Variants in PDE4D observed in about 807,000 individuals in gnomAD.
PDE4D encodes the protein phosphodiesterase 4D.
Under a neutral mutation model 87.4 loss-of-function variants are expected in PDE4D, and 24 were observed. The ratio of observed to expected loss-of-function variants is 0.27; its 90% CI spans 0.20 to 0.39. The LOEUF is 0.39. PDE4D is among the 10% of genes least tolerant of loss of function. The pLI is 1.00. For synonymous variants in PDE4D, 384 were observed against 383.2 expected, an observed-to-expected ratio of 1.00 and a Z score of -0.02; for missense variants, 714 against 1,041.0, an observed-to-expected ratio of 0.69 and a Z score of 4.32.
intron 1 of PDE4D, among the ~76,000 whole-genome samples, chr5:59,859,951 C>T (rs1043914315): frequency 6.6e-6 from 1 of 152,022 alleles, no homozygotes; most frequent in African/African-American, 2.4e-5. Context: ...TGGAAGAGGC[C>T]CACAGACTCT....
intron 2 of PDE4D, among the ~76,000 whole-genome samples, chr5:60,017,067 T>C (rs1765593266): frequency 6.6e-6 from 1 of 152,240 alleles, no homozygotes; most frequent in Non-Finnish European, 1.5e-5. Context: ...TTTGCAGGCA[T>C]GAGAGAAACA....
intron 1 of PDE4D, among the ~76,000 whole-genome samples, chr5:59,735,945 A>C (rs1264339311): frequency 6.6e-6 from 1 of 152,166 alleles, no homozygotes; most frequent in Non-Finnish European, 1.5e-5. Flanking sequence ...CTAGGATTAC[A>C]GGTGTGAGCC....
chr5:59,124,072 AG>A (rs761571050), intron 5 of PDE4D, among the ~76,000 whole-genome samples: 36 of 152,054 alleles, frequency 2.4e-4, no homozygotes, highest in East Asian at 1.7e-3. Flanking sequence ...AAATGTAATC[AG>A]GGGGGAACAA....
chr5:59,154,028 TGAAA>T (rs905924433), intron 5 of PDE4D, among the ~76,000 whole-genome samples: 1 of 152,114 alleles, frequency 6.6e-6, no homozygotes, highest in Non-Finnish European at 1.5e-5. Context: ...AGTTTGCTGC[TGAAA>T]GAGTCAGCCA....
chr5:59,915,237 T>C (rs1321172731), intron 3 of PDE4D, among the ~76,000 whole-genome samples: 1 of 152,148 alleles, frequency 6.6e-6, no homozygotes, highest in African/African-American at 2.4e-5. Context: ...TGTCAGTCAA[T>C]GGATGACCAG....
intron 1 of PDE4D, among the ~76,000 whole-genome samples, chr5:60,444,957 G>A (rs1745529052): frequency 6.6e-6 from 1 of 151,004 alleles, no homozygotes; most frequent in Non-Finnish European, 1.5e-5. Flanking sequence ...CAAACACTCT[G>A]AAGTTCAGAA....
intron 5 of PDE4D, among the ~76,000 whole-genome samples, chr5:59,160,740 A>T (rs1780946536): frequency 6.6e-6 from 1 of 152,142 alleles, no homozygotes; most frequent in African/African-American, 2.4e-5. Flanking sequence ...CCTTCAATGG[A>T]ACTAACTCCC....
At chr5:59,993,734 A>T (rs1763245960) in intron 2 of PDE4D, among the ~76,000 whole-genome samples, 1 of 152,116 alleles carries the variant, frequency 6.6e-6, no homozygotes, top group African/African-American at 2.4e-5. Flanking sequence ...AAGTATAATA[A>T]AAGTCATAAT....
At chr5:59,229,152 T>A (rs77155247) in intron 1 of PDE4D, among the ~76,000 whole-genome samples, 3,803 of 152,232 alleles carry the variant, frequency 0.025, 152 homozygotes, top group African/African-American at 0.077. Context: ...GATTTTTTTT[T>A]AAAAATCTAC....
intron 6 of PDE4D, among the ~76,000 whole-genome samples, chr5:59,015,979 G>A (rs917212146): frequency 1.3e-5 from 2 of 152,140 alleles, no homozygotes; most frequent in Non-Finnish European, 2.9e-5. Flanking sequence ...CCTTTGTAGG[G>A]ACATGGATGA....
chr5:59,752,463 A>G (rs932426862), intron 1 of PDE4D, among the ~76,000 whole-genome samples: 1 of 152,178 alleles, frequency 6.6e-6, no homozygotes, highest in Non-Finnish European at 1.5e-5. Flanking sequence ...TATGCAATAG[A>G]TTCCTGAACC....
chr5:59,519,498 A>C (rs1261097490), intron 1 of PDE4D, among the ~76,000 whole-genome samples: 2 of 152,250 alleles, frequency 1.3e-5, no homozygotes, highest in East Asian at 3.8e-4. Flanking sequence ...GCTGTGATGC[A>C]GAACATGCTT....
intron 1 of PDE4D, among the ~76,000 whole-genome samples, chr5:59,532,678 A>C (rs1814458330): frequency 6.6e-6 from 1 of 152,186 alleles, no homozygotes; most frequent in Non-Finnish European, 1.5e-5. Flanking sequence ...AGCTCAAAAT[A>C]TCAGCCATTT....
intron 1 of PDE4D, among the ~76,000 whole-genome samples, chr5:59,311,454 T>C (rs539052453): frequency 7.7e-6 from 1 of 129,786 alleles, no homozygotes; most frequent in East Asian, 2.4e-4. Flanking sequence ...TGAGCTGAGA[T>C]TGCACCACTG....
intron 2 of PDE4D, among the ~76,000 whole-genome samples, chr5:60,001,913 G>A (rs1206007492): frequency 7.2e-6 from 1 of 137,952 alleles, no homozygotes; most frequent in Non-Finnish European, 1.6e-5. Flanking sequence ...AATAGATCCA[G>A]AAAAGACAAC....
Position 60,387,008 on chromosome 5 carries a change from C to T in PDE4D, c.-90+100934G>A, listed in dbSNP as rs544411889. On this transcript the variant is annotated intron_variant, in intron 1 of 16. Coordinates refer to the PDE4D transcript ENST00000502484. The stretch of plus-strand genomic sequence containing the variant: ...CTGCCCATTTGCATCCTTATAGTTT[C>T]CCAATGGGAAAGAAAAATAACCACA... Among the ~76,000 whole-genome samples the T allele has an allele frequency of 2.6e-5, 4 of 152,296 alleles. No individual in the cohort carries two copies. The South Asian group carries it at 8.3e-4, about 32-fold the overall frequency.
chr5:59,529,810 C>T (rs919410616), intron 1 of PDE4D, among the ~76,000 whole-genome samples: 1 of 152,092 alleles, frequency 6.6e-6, no homozygotes, highest in Non-Finnish European at 1.5e-5. Context: ...ATACTAAGCT[C>T]CCTTGATGAA....
At chr5:59,860,841 CT>C (rs964396366) in intron 1 of PDE4D, among the ~76,000 whole-genome samples, 38 of 147,012 alleles carry the variant, frequency 2.6e-4, no homozygotes, top group South Asian at 1.1e-3. Flanking sequence ...GTTGTTCGAA[CT>C]TTTTTTTTTT....
At chr5:59,846,259 C>A (rs1238709110) in intron 1 of PDE4D, among the ~76,000 whole-genome samples, 1 of 152,052 alleles carries the variant, frequency 6.6e-6, no homozygotes, top group Non-Finnish European at 1.5e-5. Context: ...GGACAAAATT[C>A]TGCATTTTCA....
Sources: gnomAD v4.1 joint callset for allele counts (sites outside exome capture counted in the v4.1 genomes callset) on GRCh38, gnomAD v4.1.1 for gene constraint, MANE v1.5 for transcripts, NCBI Gene and HGNC (gene_info 2026-07-23, HGNC 2026-07-21) for gene names.